RPH3A: variants seen among roughly 807,000 people sequenced by gnomAD.
The protein encoded by RPH3A is rabphilin 3A.
A neutral mutation model predicts 102.2 loss-of-function variants in RPH3A; 48 were observed. The ratio of observed to expected loss-of-function variants is 0.47; its 90% CI spans 0.37 to 0.60. The LOEUF is 0.60. Ranked by LOEUF, RPH3A falls within the 20% of genes least tolerant of loss-of-function variation. The pLI, the probability that RPH3A is intolerant of heterozygous loss-of-function variation, is 0.00. For missense variants in RPH3A, 781 were observed against 910.1 expected, an observed-to-expected ratio of 0.86 and a Z score of 1.83; for synonymous variants, 310 against 324.3, an observed-to-expected ratio of 0.96 and a Z score of 0.47.
intron 18 of RPH3A, among the ~76,000 whole-genome samples, 168 bp from the exon 19 acceptor site, chr12:112,890,681 C>T (rs1047534955): frequency 6.6e-6 from 1 of 152,222 alleles, no homozygotes; most frequent in South Asian, 2.1e-4. Context: ...CCTCAACTTT[C>T]ACCTTTGGCT....
intron 1 of RPH3A, among the ~76,000 whole-genome samples, chr12:112,628,568 CAAAAAAAAAAAAAAAAAAAAAAAAA>C (rs771688201): frequency 4.4e-4 from 12 of 27,006 alleles, no homozygotes; most frequent in Admixed American, 2.4e-3. Flanking sequence ...GTCTTTACCA[CAAAAAAAAAAAAAAAAAAAAAAAAA>C]AAAAAAAAAA....
chr12:112,769,280 G>A (rs1006317481), intron 1 of RPH3A, among the ~76,000 whole-genome samples: 12 of 152,116 alleles, frequency 7.9e-5, no homozygotes, highest in Non-Finnish European at 1.0e-4. Context: ...ATCTCCATTG[G>A]GTGCTGGTTT....
At chr12:112,833,257 T>C (rs1179784903) in intron 3 of RPH3A, among the ~76,000 whole-genome samples, 1 of 152,238 alleles carries the variant, frequency 6.6e-6, no homozygotes, top group Non-Finnish European at 1.5e-5. Flanking sequence ...GGTATGCTGC[T>C]GTACATTTCT....
chr12:112,896,802 T>G lies in RPH3A; in HGVS notation c.*22T>G. On this transcript the variant is annotated 3_prime_UTR_variant, in exon 22 of 22. Transcript: ENST00000389385. ...TTAGGCTAGTGCCCAGGTCCCCATC[T>G]CCATGTCCCGGGTCCCCCCCAGCCT... The G allele has an allele frequency of 6.2e-7, 1 of 1,613,030 alleles. No homozygotes were observed. The highest frequency in any genetic ancestry group is 8.5e-7 in the Non-Finnish European group (1 of 1,179,596).
At chr12:112,668,239 C>A (rs181205173) in intron 1 of RPH3A, among the ~76,000 whole-genome samples, 1 of 152,074 alleles carries the variant, frequency 6.6e-6, no homozygotes, top group African/African-American at 2.4e-5. Context: ...CAGGTGGCCC[C>A]CCAAAATGTT....
intron 1 of RPH3A, among the ~76,000 whole-genome samples, chr12:112,708,954 G>C (rs1295227500): frequency 2.0e-5 from 3 of 152,040 alleles, no homozygotes; most frequent in Non-Finnish European, 4.4e-5. Flanking sequence ...ATTTATTGGA[G>C]TTCAGGCATA....
intron 1 of RPH3A, among the ~76,000 whole-genome samples, chr12:112,601,100 T>A (rs924517774): frequency 2.0e-5 from 3 of 152,156 alleles, no homozygotes; most frequent in African/African-American, 7.2e-5. Context: ...CACGTGGGGA[T>A]TACCAGGATT....
chr12:112,696,794 A>G (rs1011747677), intron 1 of RPH3A, among the ~76,000 whole-genome samples: 2 of 152,192 alleles, frequency 1.3e-5, no homozygotes, highest in African/African-American at 4.8e-5. Context: ...TCTCCATCAT[A>G]TCTCTCTCCT....
At chr12:112,805,604 T>C (rs2041443525) in intron 2 of RPH3A, among the ~76,000 whole-genome samples, 1 of 152,190 alleles carries the variant, frequency 6.6e-6, no homozygotes, top group Non-Finnish European at 1.5e-5. Flanking sequence ...CTGAGTCCCA[T>C]CACTCTTGAT....
chr12:112,774,063 CAAAAAAA>C (rs11375355), intron 1 of RPH3A, among the ~76,000 whole-genome samples: 1 of 108,462 alleles, frequency 9.2e-6, no homozygotes, highest in Non-Finnish European at 1.8e-5. Flanking sequence ...CCAGCCTGGG[CAAAAAAA>C]AAAAAAAGAA....
At position 112,702,348 on chromosome 12, in the gene RPH3A, A is replaced by G. The variant is rs144753801; in HGVS notation, c.-139-89795A>G. Among the ~76,000 whole-genome samples, 1,379 of 152,334 alleles carry G rather than the reference A, an allele frequency of 9.1e-3. 11 individuals are homozygous for G. Among genetic ancestry groups the G allele is most frequent in the Non-Finnish European group, 0.015 (1,038 of 68,038 alleles). ...ACTTGCAACAAATTCTCTTTGAGTTAATTATGGTCAGAGCCCAGTATTAGG... is the reference window on the plus strand; with the variant it reads ...ACTTGCAACAAATTCTCTTTGAGTTGATTATGGTCAGAGCCCAGTATTAGG... On this transcript the variant is annotated intron_variant, in intron 1 of 21. Transcript: ENST00000543106.
At chr12:112,799,580 G>A (rs142901663) in intron 2 of RPH3A, among the ~76,000 whole-genome samples, 1 of 152,236 alleles carries the variant, frequency 6.6e-6, no homozygotes, top group Non-Finnish European at 1.5e-5. Flanking sequence ...GCCCTCCCAG[G>A]CTTGGCATTC....
In RPH3A at chr12:112,712,922, T is replaced by C. The variant is rs867860417; in HGVS notation, c.-139-79221T>C. ...CTTCTTCCTCTTCTTCTTCTTCTTC[T>C]TCCTCTTCTTCTTCTTCTTCTTCTT... On this transcript the variant is annotated intron_variant, in intron 1 of 21. Coordinates refer to the RPH3A transcript ENST00000543106. Among the ~76,000 whole-genome samples, 17 of 107,056 alleles carry C rather than the reference T, an allele frequency of 1.6e-4. 2 individuals are homozygous for C. The highest frequency in any genetic ancestry group is 1.6e-3 in the South Asian group (4 of 2,528). 70.2% of individuals were successfully genotyped at this position (107,056 alleles called of 152,430 possible).
At chr12:112,811,695 A>G (rs1015560629) in intron 2 of RPH3A, among the ~76,000 whole-genome samples, 4 of 152,228 alleles carry the variant, frequency 2.6e-5, no homozygotes, top group Non-Finnish European at 5.9e-5. Context: ...ACGGGTATTG[A>G]TTTTGGGGAT....
chr12:112,581,907 G>A (rs1166638746), intron 1 of RPH3A, among the ~76,000 whole-genome samples: 4 of 147,792 alleles, frequency 2.7e-5, no homozygotes, highest in South Asian at 5.1e-4. Flanking sequence ...TGAGTAAGAC[G>A]TTTTGGACCA....
intron 1 of RPH3A, among the ~76,000 whole-genome samples, chr12:112,662,539 G>C (rs939474367): frequency 2.0e-5 from 3 of 152,176 alleles, no homozygotes; most frequent in Non-Finnish European, 2.9e-5. Flanking sequence ...CCTCTCCCAC[G>C]GTCTATGGCA....
chr12:112,661,109 A>G (rs2040045898), intron 1 of RPH3A, among the ~76,000 whole-genome samples: 1 of 152,068 alleles, frequency 6.6e-6, no homozygotes, highest in Non-Finnish European at 1.5e-5. Flanking sequence ...AGGCAACGTG[A>G]TTATGTATGG....
At chr12:112,639,366 C>T (rs1223723300) in intron 1 of RPH3A, among the ~76,000 whole-genome samples, 2 of 152,096 alleles carry the variant, frequency 1.3e-5, no homozygotes, top group Non-Finnish European at 2.9e-5. Context: ...TGGAGCTGGA[C>T]GCTGTTATCC....
intron 1 of RPH3A, among the ~76,000 whole-genome samples, chr12:112,632,766 C>T (rs2039815702): frequency 6.6e-6 from 1 of 152,130 alleles, no homozygotes; most frequent in South Asian, 2.1e-4. Flanking sequence ...AGTGGACAGC[C>T]CCCTCTAAGT....
Sources: allele counts gnomAD v4.1 joint callset (sites outside exome capture counted in the v4.1 genomes callset), GRCh38; gene constraint gnomAD v4.1.1; transcripts MANE v1.5; gene names NCBI Gene and HGNC (gene_info 2026-07-23, HGNC 2026-07-21).